ULK4: variants seen among roughly 807,000 people sequenced by gnomAD.
ULK4 encodes inactive serine/threonine-protein kinase ULK4.
In ULK4, 133 loss-of-function variants were observed where a neutral mutation model predicts 160.6. That is an observed-to-expected ratio of 0.83 (90% CI 0.72 to 0.96). ULK4 has a LOEUF of 0.96. Ranked by LOEUF, ULK4 falls within the 40% of genes least tolerant of loss-of-function variation. ULK4 has a pLI of 0.00. For missense variants in ULK4, 1,580 were observed against 1,499.5 expected (o/e 1.05, Z -0.89); for synonymous variants, 534 against 539.8 (o/e 0.99, Z 0.15).
At chr3:41,786,081 C>T (rs1369638920) in intron 21 of ULK4, among the ~76,000 whole-genome samples, 1 of 152,200 alleles carries the variant, frequency 6.6e-6, no homozygotes, top group Non-Finnish European at 1.5e-5. Flanking sequence ...TGTGGCTCCA[C>T]TCCACCTGCA....
chr3:41,843,004 T>C (rs2041973745), intron 17 of ULK4, among the ~76,000 whole-genome samples: 1 of 152,254 alleles, frequency 6.6e-6, no homozygotes. Context: ...GACCTAAGTC[T>C]GGTACTTGAC....
intron 21 of ULK4, among the ~76,000 whole-genome samples, chr3:41,757,029 T>C (rs976690705): frequency 4.8e-5 from 7 of 146,744 alleles, no homozygotes; most frequent in South Asian, 2.1e-4. Flanking sequence ...CACATAGAAA[T>C]AGAACACTAT....
At chr3:41,673,297 C>T (rs1009138059) in intron 29 of ULK4, among the ~76,000 whole-genome samples, 2 of 152,068 alleles carry the variant, frequency 1.3e-5, no homozygotes, top group Non-Finnish European at 1.5e-5. Flanking sequence ...AGAACCACCC[C>T]GATGTCCTTT....
At chr3:41,471,802 C>CAAATGA in intron 32 of ULK4, among the ~76,000 whole-genome samples, 1 of 150,864 alleles carries the variant, frequency 6.6e-6, no homozygotes, top group South Asian at 2.1e-4. Context: ...AAAATTGAGA[C>CAAATGA]AAATGAAAAT....
At chr3:41,388,917 C>A (rs887870837) in intron 35 of ULK4, among the ~76,000 whole-genome samples, 1 of 152,070 alleles carries the variant, frequency 6.6e-6, no homozygotes, top group Non-Finnish European at 1.5e-5. Context: ...TGAAGAAAGT[C>A]ATTGGTAGCT....
intron 30 of ULK4, among the ~76,000 whole-genome samples, chr3:41,657,818 T>TAAAACAAAAAAAAAAAAAAAA (rs2034996424): frequency 1.0e-5 from 1 of 99,760 alleles, no homozygotes; most frequent in Non-Finnish European, 1.8e-5. Context: ...TCCATCTCAT[T>TAAAACAAAAAAAAAAAAAAAA]AAAAAAAAAA....
Position 41,911,549 on chromosome 3 carries a change from A to C in ULK4, c.1007T>G (p.Phe336Cys), listed in dbSNP as rs1698785927. ...HKSGQPLGHS[F>C]RLENPTEFRP... ...GCTCAAATAAAACTTACCTAGTCTG[A>C]AAGAGTGACCTAGTGGTTGACCACT... The change falls in exon 10 of 37, where the codon TTC (phenylalanine) becomes TGC (cysteine). Residue 336 changes from phenylalanine to cysteine, a missense_variant. Coordinates refer to ENST00000301831, the MANE Select transcript of ULK4 (RefSeq NM_017886.4). 6.2e-7 allele frequency: 1 copy of C among 1,613,158 alleles called. No individual in the cohort carries two copies. Among genetic ancestry groups the C allele is most frequent in the African/African-American group, 1.3e-5 (1 of 74,908 alleles).
At chr3:41,933,873 A>T (rs1699676072) in intron 4 of ULK4, among the ~76,000 whole-genome samples, 1 of 152,026 alleles carries the variant, frequency 6.6e-6, no homozygotes, top group Non-Finnish European at 1.5e-5. Flanking sequence ...AACACGGTAA[A>T]ACCCCGTCTC....
chr3:41,704,147 A>G (rs536320745), intron 27 of ULK4, among the ~76,000 whole-genome samples: 46 of 152,284 alleles, frequency 3.0e-4, no homozygotes, highest in Non-Finnish European at 5.3e-4. Context: ...TTTCACATCA[A>G]ACTCTCTGCT....
At chr3:41,774,280 C>A (rs1350741863) in intron 21 of ULK4, among the ~76,000 whole-genome samples, 2 of 151,028 alleles carry the variant, frequency 1.3e-5, no homozygotes, top group African/African-American at 4.9e-5. Flanking sequence ...TCAGAGTGAA[C>A]AGGCAACCTA....
intron 30 of ULK4, among the ~76,000 whole-genome samples, chr3:41,657,834 A>AAAAAAAAAAAAAAAAAAAAAC (rs1553628520): frequency 1.3e-5 from 2 of 149,964 alleles, no homozygotes; most frequent in African/African-American, 5.0e-5. Flanking sequence ...AAAAAAAAAA[A>AAAAAAAAAAAAAAAAAAAAAC]ACACACACCA....
intron 22 of ULK4, among the ~76,000 whole-genome samples, chr3:41,721,395 ACT>A (rs1437962216): frequency 1.8e-5 from 2 of 108,362 alleles, no homozygotes; most frequent in African/African-American, 7.4e-5. Flanking sequence ...ACGGAATCTC[ACT>A]CTGTCACCCC....
chr3:41,832,500 T>C (rs1250352420), intron 18 of ULK4, among the ~76,000 whole-genome samples: 2 of 152,256 alleles, frequency 1.3e-5, no homozygotes, highest in African/African-American at 4.8e-5. Context: ...GTCTGTTTAC[T>C]CTGATGCTAG....
chr3:41,812,145 G>T (rs2040836676), intron 19 of ULK4, among the ~76,000 whole-genome samples: 1 of 152,080 alleles, frequency 6.6e-6, no homozygotes, highest in Non-Finnish European at 1.5e-5. Context: ...TATTAGCCAG[G>T]CGTGGTGGCA....
intron 34 of ULK4, among the ~76,000 whole-genome samples, chr3:41,444,154 CA>C (rs1280435170): frequency 6.6e-6 from 1 of 152,088 alleles, no homozygotes; most frequent in African/African-American, 2.4e-5. Context: ...TATATATTCC[CA>C]CAGCCAGCTT....
chr3:41,348,301 C>T (rs935746075), intron 35 of ULK4, among the ~76,000 whole-genome samples: 5 of 150,606 alleles, frequency 3.3e-5, no homozygotes, highest in African/African-American at 7.4e-5. Flanking sequence ...TTGACACAGG[C>T]GTAGCATTCA....
intron 34 of ULK4, among the ~76,000 whole-genome samples, chr3:41,438,806 G>A (rs1421113447): frequency 6.6e-6 from 1 of 151,850 alleles, no homozygotes; most frequent in Non-Finnish European, 1.5e-5. Context: ...CTCTAGCCTG[G>A]GCAACAGAAT....
At chr3:41,793,154 C>A (rs1211201880) in intron 20 of ULK4, among the ~76,000 whole-genome samples, 3 of 144,196 alleles carry the variant, frequency 2.1e-5, no homozygotes, top group African/African-American at 5.3e-5. Context: ...GCCTGGGCAA[C>A]AAGAGTGAAA....
intron 29 of ULK4, among the ~76,000 whole-genome samples, chr3:41,664,978 G>A (rs1017077635): frequency 6.6e-6 from 1 of 152,134 alleles, no homozygotes; most frequent in Admixed American, 6.6e-5. Context: ...TTGCTCTCCA[G>A]TATGCAGCAC....
Sources: gnomAD v4.1 joint callset for allele counts (sites outside exome capture counted in the v4.1 genomes callset) on GRCh38, gnomAD v4.1.1 for gene constraint, MANE v1.5 for transcripts, NCBI Gene and HGNC (gene_info 2026-07-23, HGNC 2026-07-21) for gene names.